The following MDFIC2 variants were observed in gnomAD, a reference collection of about 807,000 sequenced individuals.
MDFIC2 encodes myoD family inhibitor domain-containing protein 2.
intron 2 of MDFIC2, among the ~76,000 whole-genome samples, chr3:70,269,177 T>C (rs1241675544): frequency 6.6e-6 from 1 of 152,312 alleles, no homozygotes; most frequent in Middle Eastern, 3.4e-3. Context: ...GTGGAATATA[T>C]TTATTTGGAA....
chr3:70,288,107 A>G, intron 2 of MDFIC2, among the ~76,000 whole-genome samples: 1 of 145,986 alleles, frequency 6.8e-6, no homozygotes, highest in Non-Finnish European at 1.5e-5. Context: ...CTAGCTTTTG[A>G]ATGTGTTTGC....
intron 3 of MDFIC2, among the ~76,000 whole-genome samples, chr3:70,203,126 A>G (rs998445172): frequency 2.6e-5 from 4 of 152,110 alleles, no homozygotes; most frequent in Admixed American, 6.6e-5. Flanking sequence ...TCATTCTCCC[A>G]GAAGTGATCC....
intron 2 of MDFIC2, among the ~76,000 whole-genome samples, chr3:70,266,443 A>T (rs1204810255): frequency 6.6e-6 from 1 of 151,816 alleles, no homozygotes; most frequent in Non-Finnish European, 1.5e-5. Context: ...ATTTAGAGAC[A>T]GGGTCTCATT....
intron 2 of MDFIC2, among the ~76,000 whole-genome samples, chr3:70,294,493 A>G (rs1263162529): frequency 6.6e-6 from 1 of 152,154 alleles, no homozygotes; most frequent in East Asian, 1.9e-4. Flanking sequence ...GGAGAAAGAG[A>G]TCCCAAAAAT....
chr3:70,282,241 C>T (rs1321815635), intron 2 of MDFIC2, among the ~76,000 whole-genome samples: 1 of 152,120 alleles, frequency 6.6e-6, no homozygotes, highest in Admixed American at 6.6e-5. Flanking sequence ...GCTTTCTGTG[C>T]AGTGAGCAAT....
Position 70,247,227 on chromosome 3 carries a change from G to A in MDFIC2, c.89-40437C>T, listed in dbSNP as rs140722606. The stretch of plus-strand genomic sequence containing the variant: ...ACATAATGGTAGTTTTACCTCCATG[G>A]TTTTATTTCCATTTTGAGATATTCT... On this transcript the variant is annotated intron_variant, in intron 2 of 3. Transcript: ENST00000567252. 3.5e-3 allele frequency among the ~76,000 whole-genome samples: 526 copies of A among 151,942 alleles called. 3 individuals are homozygous for A. The highest frequency in any genetic ancestry group is 0.012 in the African/African-American group (503 of 41,484).
At position 70,196,634 on chromosome 3, in the gene MDFIC2, T is replaced by G. The variant is rs1241822589; in HGVS notation, c.*292A>C. Among the ~76,000 whole-genome samples, 1 of 152,194 alleles carries G rather than the reference T, an allele frequency of 6.6e-6. No individual in the cohort carries two copies. Reference sequence around the variant, plus strand: ...AATAACGCAGTGGCTTAACATGCTATTTTATAGTCAAGAAACATCTTGTAC... The same window carrying G: ...AATAACGCAGTGGCTTAACATGCTAGTTTATAGTCAAGAAACATCTTGTAC... On this transcript the variant is annotated 3_prime_UTR_variant, in exon 4 of 4. Coordinates refer to ENST00000567252, the MANE Select transcript of MDFIC2 (RefSeq NM_001364677.1).
chr3:70,299,368 G>A (rs1048643654), intron 2 of MDFIC2, among the ~76,000 whole-genome samples: 2 of 151,906 alleles, frequency 1.3e-5, no homozygotes, highest in African/African-American at 4.8e-5. Context: ...ATGTACAGTG[G>A]CTATCTATGC....
intron 2 of MDFIC2, among the ~76,000 whole-genome samples, chr3:70,268,053 T>C (rs910910914): frequency 4.7e-5 from 7 of 149,780 alleles, no homozygotes; most frequent in South Asian, 2.2e-4. Context: ...TCCTCCTCCT[T>C]CTTCTCCAAT....
intron 2 of MDFIC2, 150 bp from the exon 3 acceptor site, chr3:70,206,940 A>G: frequency 5.1e-6 from 2 of 393,484 alleles, no homozygotes; most frequent in Non-Finnish European, 9.0e-6. Flanking sequence ...ACAATTTTGA[A>G]TAAAAATATG....
chr3:70,234,143 T>A (rs1701587150), intron 2 of MDFIC2, among the ~76,000 whole-genome samples: 1 of 152,222 alleles, frequency 6.6e-6, no homozygotes, highest in Non-Finnish European at 1.5e-5. Context: ...CTGAGTGGGA[T>A]GTGGACAACT....
chr3:70,262,246 G>T (rs140419161), intron 2 of MDFIC2, among the ~76,000 whole-genome samples: 3 of 152,150 alleles, frequency 2.0e-5, no homozygotes, highest in Non-Finnish European at 4.4e-5. Context: ...TACCAATAAC[G>T]TGAGACTGAA....
intron 2 of MDFIC2, among the ~76,000 whole-genome samples, chr3:70,256,001 G>T (rs976200699): frequency 2.6e-5 from 4 of 152,206 alleles, no homozygotes; most frequent in East Asian, 1.9e-4. Flanking sequence ...TTCTCCACTG[G>T]CATTGAACCA....
At chr3:70,225,520 A>C (rs1366362532) in intron 2 of MDFIC2, among the ~76,000 whole-genome samples, 3 of 152,352 alleles carry the variant, frequency 2.0e-5, no homozygotes, top group South Asian at 2.1e-4. Flanking sequence ...ATTCTAGTTT[A>C]AGAAAGCAAC....
intron 2 of MDFIC2, among the ~76,000 whole-genome samples, chr3:70,290,793 G>A (rs1420955506): frequency 6.6e-6 from 1 of 152,202 alleles, no homozygotes; most frequent in Non-Finnish European, 1.5e-5. Flanking sequence ...TCGGAAAAGC[G>A]CAGTATTCGG....
chr3:70,249,896 G>A (rs1701744434), intron 2 of MDFIC2, among the ~76,000 whole-genome samples: 1 of 152,082 alleles, frequency 6.6e-6, no homozygotes, highest in Non-Finnish European at 1.5e-5. Context: ...TTCTTGAGGG[G>A]GCAAGAGAAT....
At chr3:70,217,970 A>G (rs1174145546) in intron 2 of MDFIC2, among the ~76,000 whole-genome samples, 1 of 152,160 alleles carries the variant, frequency 6.6e-6, no homozygotes, top group Non-Finnish European at 1.5e-5. Context: ...GCCAGAAATC[A>G]AGCCACATTT....
intron 2 of MDFIC2, among the ~76,000 whole-genome samples, chr3:70,265,909 G>T (rs796711617): frequency 2.0e-5 from 3 of 152,204 alleles, no homozygotes; most frequent in African/African-American, 7.2e-5. Flanking sequence ...AACGGCATGG[G>T]GGAAGCCATA....
chr3:70,208,858 C>CT, intron 2 of MDFIC2, among the ~76,000 whole-genome samples: 2 of 152,134 alleles, frequency 1.3e-5, no homozygotes, highest in South Asian at 4.2e-4. Context: ...TATTCTCTTC[C>CT]TTTTATGTGC....
Sources: gnomAD v4.1 joint callset for allele counts (sites outside exome capture counted in the v4.1 genomes callset) on GRCh38, gnomAD v4.1.1 for gene constraint, MANE v1.5 for transcripts, NCBI Gene and HGNC (gene_info 2026-07-23, HGNC 2026-07-21) for gene names.